SLC34A3: variants seen among roughly 807,000 people sequenced by gnomAD.
SLC34A3 encodes the protein sodium-dependent phosphate transport protein 2C.
SLC34A3 carries 60 observed loss-of-function variants against 43.9 expected under a neutral mutation model. The observed-to-expected ratio is 1.37, with a 90% CI of 1.11 to 1.70. The LOEUF (loss-of-function observed/expected upper bound fraction) is 1.70. SLC34A3 is among the 40% of genes most tolerant of loss of function. The probability of loss-of-function intolerance (pLI) is 0.00; values close to 1 mark genes in which losing one functional copy is unlikely to be tolerated. For missense variants in SLC34A3, 969 were observed against 823.8 expected, an observed-to-expected ratio of 1.18 and a Z score of -2.16; for synonymous variants, 451 against 386.2, an observed-to-expected ratio of 1.17 and a Z score of -1.97.
chr9:137,235,078 A>G (rs1178659547), intron 12 of SLC34A3, among the ~76,000 whole-genome samples: 2 of 151,302 alleles, frequency 1.3e-5, no homozygotes, highest in Non-Finnish European at 3.0e-5. Context: ...TCCCTCAAGG[A>G]GCAGCCACTC....
rs1183202005 is a variant in SLC34A3 at position 137,235,892 on chromosome 9, G to A, written c.1336-60G>A. On this transcript the variant is annotated intron_variant, in intron 12 of 12. Coordinates refer to ENST00000673835, the MANE Select transcript of SLC34A3 (RefSeq NM_001177316.2). ...GTAGGGTGGAGGAGGGCAGGGGTCC[G>A]GGGCCCCTGGTGACCCCACCTCGTT... The A allele has an allele frequency of 2.8e-5, 43 of 1,532,698 alleles. No individual in the cohort carries two copies. The East Asian group carries it at 7.0e-4, about 25-fold the overall frequency. 94.9% of individuals were successfully genotyped at this position (1,532,698 alleles called of 1,614,324 possible). A position where few individuals can be genotyped will look rare whatever the true frequency, so the allele number is the denominator to read the frequency against.
chr9:137,230,032 T>G (rs907203286), upstream of SLC34A3, among the ~76,000 whole-genome samples: 3 of 151,936 alleles, frequency 2.0e-5, no homozygotes, highest in Middle Eastern at 3.2e-3. Context: ...GCTTCTACCT[T>G]CTCCAGGGCA....
rs1169500058 is a variant in SLC34A3 at position 137,236,039 on chromosome 9, A to T, written c.1423A>T (p.Arg475Trp). 5.0e-6 allele frequency: 8 copies of T among 1,612,596 alleles called. No individual in the cohort carries two copies. Among genetic ancestry groups the T allele is most frequent in the Non-Finnish European group, 6.8e-6 (8 of 1,179,858 alleles). The change falls in exon 13 of 13, where the codon AGG becomes TGG. Residue 475 changes from arginine (R) to tryptophan (W), a missense_variant. Arg to Trp is a moderately radical substitution (Grantham distance 101). Transcript: ENST00000673835. The part of the protein sequence containing the change: ...PALRLPIPLA[R>W]HFGVVTARYR... ...ACTGCGGCTGCCCATCCCGCTGGCC[A>T]GGCACTTCGGGGTGGTGACCGCCCG...
rs1836500277 is a variant in SLC34A3, at chr9:137,234,940, C to T, written c.1335+209C>T. On this transcript the variant is annotated intron_variant, in intron 12 of 12. Coordinates refer to ENST00000673835, the MANE Select transcript of SLC34A3 (RefSeq NM_001177316.2). This position sits in a 1 kb window ranked among gnomAD's most constrained non-coding sequence, Gnocchi z 6.9. ...TTCACACCCTCCCTGCGTCTCCTCC[C>T]TTGAGACCTCCTCACTTCCACATTT... 6.6e-6 allele frequency among the ~76,000 whole-genome samples: 1 copy of T among 152,134 alleles called. No individual in the cohort carries two copies. Among genetic ancestry groups the T allele is most frequent in the Non-Finnish European group, 1.5e-5 (1 of 68,000 alleles).
chr9:137,233,779 T>TTTCCCCCCCC, intron 8 of SLC34A3, 57 bp downstream of exon 8: 1 of 1,445,826 alleles, frequency 6.9e-7, no homozygotes, highest in Non-Finnish European at 9.6e-7. Flanking sequence ...TGCTGAGTCA[T>TTTCCCCCCCC]CCCGCCCCAC....
In SLC34A3 at chr9:137,233,120, G is replaced by A; in HGVS notation, c.560+5G>A. On this transcript the variant is annotated splice_donor_5th_base_variant and intron_variant, in intron 6 of 12. Transcript: ENST00000673835. The stretch of plus-strand genomic sequence containing the variant: ...GGACCGGGATGAATTTCAGAGGTGA[G>A]TTGTGGGTGGAAGGGCTGGGCTGGG... The A allele has an allele frequency of 6.3e-7, 1 of 1,588,364 alleles. No individual in the cohort carries two copies. Among genetic ancestry groups the A allele is most frequent in the Non-Finnish European group, 8.6e-7 (1 of 1,166,238 alleles).
upstream of SLC34A3, among the ~76,000 whole-genome samples, chr9:137,230,345 C>T (rs142980891): frequency 2.0e-5 from 3 of 152,278 alleles, no homozygotes; most frequent in East Asian, 5.8e-4. Context: ...GCCTGCTGGG[C>T]CCAACCCTGC....
Position 137,232,671 on chromosome 9 carries a change from A to G in SLC34A3, c.272A>G (p.Asp91Gly). Reference sequence around the variant, plus strand: ...CTGTACTTCTTCATCTGCTCTCTGGACGTCCTCAGCTCCGCCTTCCAGCTG... The same window carrying G: ...CTGTACTTCTTCATCTGCTCTCTGGGCGTCCTCAGCTCCGCCTTCCAGCTG... The part of the protein sequence containing the change: ...GSLYFFICSL[D>G]VLSSAFQLLG... The change falls in exon 4 of 13, where the codon GAC becomes GGC. Residue 91 changes from aspartate to glycine, a missense_variant. By Grantham distance (94) the Asp-to-Gly change is moderately conservative. Transcript: ENST00000673835. 1 of 1,612,820 alleles carries G rather than the reference A, an allele frequency of 6.2e-7. No individual in the cohort carries two copies. The highest frequency in any genetic ancestry group is 8.5e-7 in the Non-Finnish European group (1 of 1,179,930).
chr9:137,230,186 G>A (rs1836128729), upstream of SLC34A3, among the ~76,000 whole-genome samples: 1 of 152,174 alleles, frequency 6.6e-6, no homozygotes, highest in Non-Finnish European at 1.5e-5. Flanking sequence ...CCCACAGGCG[G>A]TGGGGCCAGC....
chr9:137,231,244 C>A (rs914052741), intron 1 of SLC34A3, among the ~76,000 whole-genome samples: 1 of 152,058 alleles, frequency 6.6e-6, no homozygotes, highest in Non-Finnish European at 1.5e-5. Flanking sequence ...ATCACCAGGG[C>A]GTGGGGCCCT....
intron 8 of SLC34A3, 57 bp downstream of exon 8, chr9:137,233,779 T>TTGGGGGCCCCCCCCCCCCCCC: frequency 6.9e-7 from 1 of 1,445,806 alleles, no homozygotes; most frequent in Non-Finnish European, 9.6e-7. Flanking sequence ...TGCTGAGTCA[T>TTGGGGGCCCCCCCCCCCCCCC]CCCGCCCCAC....
chr9:137,236,463 C>A lies in SLC34A3; in HGVS notation c.*47C>A. 1 of 1,477,428 alleles carries A rather than the reference C, an allele frequency of 6.8e-7. No homozygotes were observed. Among genetic ancestry groups the A allele is most frequent in the Non-Finnish European group, 9.1e-7 (1 of 1,094,258 alleles). 91.5% of individuals were successfully genotyped at this position (1,477,428 alleles called of 1,614,324 possible). ...GCCCCACCCTCCCCGGCTGGGAGGG[C>A]TCTGGAGGGCCCTGGAGGGGGGGTC... On this transcript the variant is annotated 3_prime_UTR_variant, in exon 13 of 13. Coordinates refer to ENST00000673835, the MANE Select transcript of SLC34A3 (RefSeq NM_001177316.2).
rs1264329710 is a variant in SLC34A3, at chr9:137,234,792, G to C, written c.1335+61G>C. The C allele has an allele frequency of 6.3e-7, 1 of 1,598,266 alleles. No homozygotes were observed. The highest frequency in any genetic ancestry group is 8.5e-7 in the Non-Finnish European group (1 of 1,179,344). On this transcript the variant is annotated intron_variant, in intron 12 of 12. Coordinates refer to ENST00000673835, the MANE Select transcript of SLC34A3 (RefSeq NM_001177316.2). This position sits in a 1 kb window ranked among gnomAD's most constrained non-coding sequence, Gnocchi z 6.9. ...AGCTTCCTCTCAGCCCCACAGACAG[G>C]AGTGTGTCACCAGCCCCGGGGCCCT...
rs559004205 is a variant in SLC34A3 at position 137,234,751 on chromosome 9, G to A, written c.1335+20G>A. On this transcript the variant is annotated intron_variant, in intron 12 of 12. Transcript: ENST00000673835. This position sits in a 1 kb window ranked among gnomAD's most constrained non-coding sequence, Gnocchi z 6.9. ...CTGCAGGTACTGTCCACCCTGCCCC[G>A]CTGCCAGAACTGGCCAGCTTCCTCT... 8.7e-6 allele frequency: 14 copies of A among 1,604,570 alleles called. No individual in the cohort carries two copies. The highest frequency in any genetic ancestry group is 5.5e-5 in the South Asian group (5 of 91,066).
At position 137,233,379 on chromosome 9, in the gene SLC34A3, A is replaced by T; in HGVS notation, c.731A>T (p.Lys244Met). The change falls in exon 7 of 13, where the codon AAG becomes ATG. Residue 244 changes from lysine (K) to methionine (M), a missense_variant. Lys to Met is a moderately conservative substitution (Grantham distance 95, BLOSUM62 -1). Coordinates refer to ENST00000673835, the MANE Select transcript of SLC34A3 (RefSeq NM_001177316.2). ...CCCGACATCCTCAAGGTGCTGACGA[A>T]GCCGCTCACACACCTCATCGTGCAG... Reference protein sequence around the residue: ...QAPDILKVLTKPLTHLIVQLD... With the variant: ...QAPDILKVLTMPLTHLIVQLD... The T allele has an allele frequency of 6.2e-7, 1 of 1,605,448 alleles. No homozygotes were observed. The highest frequency in any genetic ancestry group is 8.5e-7 in the Non-Finnish European group (1 of 1,177,568).
rs766614221 is a variant in SLC34A3, at chr9:137,232,076, C to G, written c.90C>G (p.Thr30=). 22 of 1,613,180 alleles carry G rather than the reference C, an allele frequency of 1.4e-5. 1 individual carries two copies. The highest frequency in any genetic ancestry group is 3.3e-4 in the Middle Eastern group (2 of 6,062). Residue 30 remains threonine (T), a synonymous_variant, in exon 3 of 13, where the codon ACC becomes ACG. Transcript: ENST00000673835. ...LVEKTLRNEG[T]SSSAPVLEEG... is the part of the protein sequence containing the mutation. ...TACTCAATTCTACCTCCACAGGGAC[C>G]TCCAGTTCTGCTCCAGTCTTGGAGG...
rs1436320117 is a variant in SLC34A3, at chr9:137,232,670, G to T, written c.271G>T (p.Asp91Tyr). The T allele has an allele frequency of 2.5e-6, 4 of 1,612,864 alleles. No individual in the cohort carries two copies. In the South Asian group the frequency reaches 4.4e-5, roughly 18 times the overall value. Residue 91 changes from aspartate (D) to tyrosine (Y), a missense_variant, in exon 4 of 13, where the codon GAC becomes TAC. Coordinates refer to ENST00000673835, the MANE Select transcript of SLC34A3 (RefSeq NM_001177316.2). ...CCTGTACTTCTTCATCTGCTCTCTG[G>T]ACGTCCTCAGCTCCGCCTTCCAGCT... ...GSLYFFICSLDVLSSAFQLLG... is the reference protein window; with the variant it reads ...GSLYFFICSLYVLSSAFQLLG...
In SLC34A3 at chr9:137,231,757, G is replaced by A; in HGVS notation, c.55G>A (p.Asp19Asn). Residue 19 changes from aspartate (D) to asparagine (N), a missense_variant, in exon 2 of 13, where the codon GAC (aspartate) becomes AAC (asparagine). Transcript: ENST00000673835. ...QVPHPTLDAV[D>N]LVEKTLRNEG... is the part of the protein sequence containing the mutation. ...CCCCCACCCCACTCTGGACGCGGTT[G>A]ACCTAGTGGAAAAGACTCTGAGGAA... 6.2e-7 allele frequency: 1 copy of A among 1,613,218 alleles called. No individual in the cohort carries two copies. Among genetic ancestry groups the A allele is most frequent in the Non-Finnish European group, 8.5e-7 (1 of 1,179,984 alleles).
At chr9:137,233,779 T>TGGCCCCCCCCCCCC in intron 8 of SLC34A3, 57 bp downstream of exon 8, 1 of 1,445,812 alleles carries the variant, frequency 6.9e-7, no homozygotes, top group East Asian at 2.3e-5. Context: ...TGCTGAGTCA[T>TGGCCCCCCCCCCCC]CCCGCCCCAC....
Sources: gnomAD v4.1 joint callset for allele counts (sites outside exome capture counted in the v4.1 genomes callset) on GRCh38, gnomAD v4.1.1 for gene constraint, Gnocchi (gnomAD v3.1) non-coding constraint, MANE v1.5 for transcripts, NCBI Gene and HGNC (gene_info 2026-07-23, HGNC 2026-07-21) for gene names.